The following TMEFF1 variants were observed in gnomAD, a reference collection of about 807,000 sequenced individuals.
TMEFF1 encodes transmembrane protein with EGF like and two follistatin like domains 1.
TMEFF1 carries 20 observed loss-of-function variants against 47.5 expected under a neutral mutation model. The ratio of observed to expected loss-of-function variants is 0.42; its 90% CI spans 0.30 to 0.61. The LOEUF (loss-of-function observed/expected upper bound fraction) is 0.61, where lower values mean the gene tolerates loss of function less well. Among genes scored for constraint, TMEFF1 ranks in the 20% least tolerant of loss-of-function variants. TMEFF1 has a pLI of 0.19. For synonymous variants in TMEFF1, 162 were observed against 166.3 expected, an observed-to-expected ratio of 0.97 and a Z score of 0.20; for missense variants, 411 against 471.1, an observed-to-expected ratio of 0.87 and a Z score of 1.18.
intron 1 of TMEFF1, 21 bp from the exon 2 acceptor site, chr9:100,498,744 A>G (rs770474329): frequency 1.2e-6 from 2 of 1,611,150 alleles, no homozygotes. Context: ...ATATATGTCA[A>G]ACAATTTTTT....
At chr9:100,560,258 T>A (rs1393550823) in intron 7 of TMEFF1, among the ~76,000 whole-genome samples, 1 of 152,186 alleles carries the variant, frequency 6.6e-6, no homozygotes, top group Admixed American at 6.5e-5. Context: ...CCTTTAGTCC[T>A]CTCAAAACTG....
At chr9:100,551,448 G>T (rs140859575) in intron 7 of TMEFF1, among the ~76,000 whole-genome samples, 1 of 152,112 alleles carries the variant, frequency 6.6e-6, no homozygotes, top group African/African-American at 2.4e-5. Context: ...CTGTATTCTC[G>T]TAGGAGACAA....
intron 1 of TMEFF1, among the ~76,000 whole-genome samples, chr9:100,495,873 A>G (rs71507687): frequency 0.025 from 3,868 of 152,048 alleles, 63 homozygotes; most frequent in Middle Eastern, 0.034. Flanking sequence ...GCTACATGAC[A>G]CCTGTCTTTT....
At chr9:100,508,425 T>G (rs1837901492) in intron 2 of TMEFF1, among the ~76,000 whole-genome samples, 1 of 152,102 alleles carries the variant, frequency 6.6e-6, no homozygotes, top group African/African-American at 2.4e-5. Flanking sequence ...CTTGAATACT[T>G]CAGCTTACAA....
At chr9:100,524,939 T>A (rs1007486238) in intron 5 of TMEFF1, among the ~76,000 whole-genome samples, 1 of 152,106 alleles carries the variant, frequency 6.6e-6, no homozygotes, top group Non-Finnish European at 1.5e-5. Context: ...AACTTCATTA[T>A]CTTATGGTCA....
chr9:100,479,769 A>G (rs547124130), intron 1 of TMEFF1, among the ~76,000 whole-genome samples: 1 of 152,240 alleles, frequency 6.6e-6, no homozygotes, highest in African/African-American at 2.4e-5. Context: ...CCATTTCTCT[A>G]CTGATGGATA....
chr9:100,478,435 T>C (rs1837274666), intron 1 of TMEFF1, among the ~76,000 whole-genome samples: 1 of 152,302 alleles, frequency 6.6e-6, no homozygotes, highest in South Asian at 2.1e-4. Context: ...ATTCTCAGCC[T>C]CCTCAGTAGT....
At chr9:100,519,615 T>G (rs1458616318) in intron 5 of TMEFF1, among the ~76,000 whole-genome samples, 1 of 150,988 alleles carries the variant, frequency 6.6e-6, no homozygotes, top group Non-Finnish European at 1.5e-5. Flanking sequence ...TGTTATCTTC[T>G]TTTTCCTACT....
chr9:100,527,841 G>T (rs10989137), intron 5 of TMEFF1, among the ~76,000 whole-genome samples: 1 of 152,044 alleles, frequency 6.6e-6, no homozygotes, highest in Non-Finnish European at 1.5e-5. Flanking sequence ...AAATGTCCCC[G>T]TCTGACAGCT....
chr9:100,553,238 T>C (rs1194915704), intron 7 of TMEFF1, among the ~76,000 whole-genome samples: 1 of 152,218 alleles, frequency 6.6e-6, no homozygotes, highest in African/African-American at 2.4e-5. Context: ...GTAAAAATGT[T>C]CTCATAGGAA....
At chr9:100,523,571 T>C (rs547483733) in intron 5 of TMEFF1, among the ~76,000 whole-genome samples, 7 of 152,218 alleles carry the variant, frequency 4.6e-5, no homozygotes, top group Non-Finnish European at 5.9e-5. Context: ...GGATTTAATA[T>C]GTGTGAAAAA....
intron 8 of TMEFF1, among the ~76,000 whole-genome samples, chr9:100,570,438 C>T (rs1314782170): frequency 2.0e-5 from 3 of 151,944 alleles, no homozygotes; most frequent in Non-Finnish European, 2.9e-5. Context: ...ATCTGCGATC[C>T]ATTTTGAGGC....
chr9:100,476,535 C>T lies in TMEFF1; in HGVS notation c.196+2795C>T, dbSNP rs1221634901. Among the ~76,000 whole-genome samples the T allele has an allele frequency of 2.0e-5, 3 of 151,906 alleles. No individual in the cohort carries two copies. In the East Asian group the frequency reaches 5.8e-4, roughly 29 times the overall value. Reference sequence around the variant, plus strand: ...TCAGCCTCCGGAGTAGCTGGGACTACAGGCGCCCACCACCATGCCGGGCTA... The same window carrying T: ...TCAGCCTCCGGAGTAGCTGGGACTATAGGCGCCCACCACCATGCCGGGCTA... On this transcript the variant is annotated intron_variant, in intron 1 of 9. Coordinates refer to ENST00000374879, the MANE Select transcript of TMEFF1 (RefSeq NM_003692.5).
chr9:100,527,750 A>T (rs1838291574), intron 5 of TMEFF1, among the ~76,000 whole-genome samples: 1 of 152,208 alleles, frequency 6.6e-6, no homozygotes, highest in South Asian at 2.1e-4. Flanking sequence ...CAGCTCAAGG[A>T]GGCCTGCCTG....
At chr9:100,554,776 G>T (rs1838885485) in intron 7 of TMEFF1, among the ~76,000 whole-genome samples, 1 of 152,032 alleles carries the variant, frequency 6.6e-6, no homozygotes, top group East Asian at 1.9e-4. Context: ...GAGGTGCAGG[G>T]TAGTATAGGG....
chr9:100,564,217 G>A (rs1839077040), intron 8 of TMEFF1, among the ~76,000 whole-genome samples: 1 of 152,206 alleles, frequency 6.6e-6, no homozygotes, highest in South Asian at 2.1e-4. Flanking sequence ...TGGGATTACA[G>A]GTGTGTGCCA....
intron 5 of TMEFF1, among the ~76,000 whole-genome samples, chr9:100,533,326 C>CT (rs1463472342): frequency 6.6e-6 from 1 of 151,934 alleles, no homozygotes; most frequent in Non-Finnish European, 1.5e-5. Flanking sequence ...TTAGTGTACC[C>CT]TTAAGGTTCT....
intron 5 of TMEFF1, among the ~76,000 whole-genome samples, chr9:100,526,955 C>CA (rs55736750): frequency 0.36 from 14,040 of 38,998 alleles, 1,533 homozygotes; most frequent in African/African-American, 0.42. Flanking sequence ...GCTAAAAATA[C>CA]AAAAAAAAAA....
chr9:100,494,157 T>G (rs1587819398), intron 1 of TMEFF1, among the ~76,000 whole-genome samples: 1 of 146,748 alleles, frequency 6.8e-6, no homozygotes, highest in Non-Finnish European at 1.5e-5. Flanking sequence ...CAGTGAGCCG[T>G]GTTCACACCA....
Sources: gnomAD v4.1 joint callset for allele counts (sites outside exome capture counted in the v4.1 genomes callset) on GRCh38, gnomAD v4.1.1 for gene constraint, MANE v1.5 for transcripts, NCBI Gene and HGNC (gene_info 2026-07-23, HGNC 2026-07-21) for gene names.